The following ZNF804A variants were observed in gnomAD, a reference collection of about 807,000 sequenced individuals.
ZNF804A encodes the protein zinc finger protein 804A.
Under a neutral mutation model 16.5 loss-of-function variants are expected in ZNF804A, and 2 were observed. The observed-to-expected ratio is 0.12, with a 90% CI of 0.05 to 0.38. ZNF804A has a LOEUF of 0.38. ZNF804A is among the 10% of genes least tolerant of loss of function. The pLI is 0.99. For synonymous variants in ZNF804A, 534 were observed against 489.6 expected (o/e 1.09, Z -1.20); for missense variants, 1,473 against 1,390.7 (o/e 1.06, Z -0.94).
At chr2:184,827,395 T>G (rs1358626686) in intron 1 of ZNF804A, among the ~76,000 whole-genome samples, 1 of 147,918 alleles carries the variant, frequency 6.8e-6, no homozygotes, top group Non-Finnish European at 1.5e-5. Context: ...CTCATCCATT[T>G]AATTATTTAA....
intron 1 of ZNF804A, among the ~76,000 whole-genome samples, chr2:184,703,643 T>C (rs1281399090): frequency 7.3e-6 from 1 of 136,436 alleles, no homozygotes; most frequent in Non-Finnish European, 1.5e-5. Context: ...TGAGCCGAGA[T>C]TGCGCCACTG....
chr2:184,686,195 A>T (rs977260794), intron 1 of ZNF804A, among the ~76,000 whole-genome samples: 3 of 152,200 alleles, frequency 2.0e-5, no homozygotes, highest in Non-Finnish European at 4.4e-5. Flanking sequence ...GCCTGGGTCC[A>T]GAGCCAAAGT....
At chr2:184,913,150 G>C (rs1685389562) in intron 2 of ZNF804A, among the ~76,000 whole-genome samples, 1 of 152,020 alleles carries the variant, frequency 6.6e-6, no homozygotes, top group Non-Finnish European at 1.5e-5. Flanking sequence ...TGCAAACTTA[G>C]CTTAACTTGT....
At chr2:184,935,731 T>A in intron 3 of ZNF804A, 52 bp from the exon 4 acceptor site, 1 of 1,492,210 alleles carries the variant, frequency 6.7e-7, no homozygotes, top group Non-Finnish European at 8.9e-7. Flanking sequence ...TTTGACTATT[T>A]TTTTTTCTCA....
chr2:184,795,997 C>A (rs1694624780), intron 1 of ZNF804A, among the ~76,000 whole-genome samples: 1 of 151,828 alleles, frequency 6.6e-6, no homozygotes, highest in African/African-American at 2.4e-5. Context: ...GTTTTTAATT[C>A]TGTTTATGTG....
intron 2 of ZNF804A, among the ~76,000 whole-genome samples, chr2:184,918,211 C>T (rs963011298): frequency 6.6e-6 from 1 of 152,252 alleles, no homozygotes; most frequent in South Asian, 2.1e-4. Context: ...GTAACTCCCT[C>T]CTTTGCCTGT....
intron 1 of ZNF804A, among the ~76,000 whole-genome samples, chr2:184,709,198 T>A (rs985752546): frequency 1.3e-5 from 2 of 152,108 alleles, no homozygotes; most frequent in African/African-American, 4.8e-5. Context: ...CTCCACTTGG[T>A]CTGGAATTTG....
chr2:184,697,657 G>C (rs1304984821), intron 1 of ZNF804A, among the ~76,000 whole-genome samples: 1 of 152,002 alleles, frequency 6.6e-6, no homozygotes, highest in African/African-American at 2.4e-5. Context: ...TATCAAAATA[G>C]TTTAGTTGTC....
chr2:184,703,540 A>T lies in ZNF804A; in HGVS notation c.111+104470A>T, dbSNP rs541098888. On this transcript the variant is annotated intron_variant, in intron 1 of 3. Coordinates refer to ENST00000302277, the MANE Select transcript of ZNF804A (RefSeq NM_194250.2). ...CCCGTCTCTACTAAAACACAAAAAAATTAGCCGGGCGTGGTGGCGGGCGCC... is the reference window on the plus strand; with the variant it reads ...CCCGTCTCTACTAAAACACAAAAAATTTAGCCGGGCGTGGTGGCGGGCGCC... Among the ~76,000 whole-genome samples the T allele has an allele frequency of 7.4e-4, 112 of 152,016 alleles. 1 individual carries two copies. The highest frequency in any genetic ancestry group is 2.5e-3 in the African/African-American group (103 of 41,462).
At chr2:184,769,150 A>G (rs1694174465) in intron 1 of ZNF804A, among the ~76,000 whole-genome samples, 1 of 151,986 alleles carries the variant, frequency 6.6e-6, no homozygotes, top group South Asian at 2.1e-4. Flanking sequence ...GCTCCTTCTG[A>G]TTGCTAAGTG....
chr2:184,657,681 A>G (rs1692103292), intron 1 of ZNF804A, among the ~76,000 whole-genome samples: 1 of 152,218 alleles, frequency 6.6e-6, no homozygotes, highest in South Asian at 2.1e-4. Context: ...CTCTGGGTTT[A>G]GGAAAATTCT....
intron 2 of ZNF804A, among the ~76,000 whole-genome samples, chr2:184,872,958 A>C (rs1316520516): frequency 6.6e-6 from 1 of 152,212 alleles, no homozygotes; most frequent in Non-Finnish European, 1.5e-5. Flanking sequence ...GAAATTTATT[A>C]AGTGACAGGA....
chr2:184,829,745 T>C (rs1465981959), intron 1 of ZNF804A, among the ~76,000 whole-genome samples: 1 of 151,454 alleles, frequency 6.6e-6, no homozygotes, highest in Non-Finnish European at 1.5e-5. Flanking sequence ...GATTACATTT[T>C]TTTCCTATTT....
At chr2:184,794,923 C>T (rs1269466146) in intron 1 of ZNF804A, among the ~76,000 whole-genome samples, 1 of 151,868 alleles carries the variant, frequency 6.6e-6, no homozygotes, top group East Asian at 1.9e-4. Context: ...ATTTATAAAG[C>T]AATTGCTAAT....
chr2:184,729,727 T>C (rs1271574344), intron 1 of ZNF804A, among the ~76,000 whole-genome samples: 2 of 152,142 alleles, frequency 1.3e-5, no homozygotes, highest in Non-Finnish European at 2.9e-5. Flanking sequence ...ACTCTATGTA[T>C]TTATGTAGCA....
intron 2 of ZNF804A, among the ~76,000 whole-genome samples, chr2:184,871,573 G>T (rs958444504): frequency 1.5e-4 from 22 of 151,656 alleles, no homozygotes; most frequent in Non-Finnish European, 2.9e-4. Context: ...AATTACTTGG[G>T]TATTGGATTC....
At chr2:184,920,150 G>A (rs577411132) in intron 2 of ZNF804A, among the ~76,000 whole-genome samples, 9 of 152,096 alleles carry the variant, frequency 5.9e-5, no homozygotes, top group African/African-American at 1.9e-4. Context: ...AACCTGTAGT[G>A]CTGCAGCTAT....
chr2:184,683,204 A>G (rs996563570), intron 1 of ZNF804A, among the ~76,000 whole-genome samples: 3 of 152,194 alleles, frequency 2.0e-5, no homozygotes, highest in African/African-American at 7.2e-5. Context: ...ATTCAGTACA[A>G]TGAACAATTC....
rs1685855876 is a variant in ZNF804A at position 184,939,263 on chromosome 2, T to C, written c.*237T>C. On this transcript the variant is annotated 3_prime_UTR_variant, in exon 4 of 4. Coordinates refer to ENST00000302277, the MANE Select transcript of ZNF804A (RefSeq NM_194250.2). ...GAAAATCAATACAATATATGCTATA[T>C]ATTAAAATGATGTCTTAAGAGTATG... The C allele has an allele frequency of 4.6e-6, 2 of 431,282 alleles. No individual in the cohort carries two copies. Among genetic ancestry groups the C allele is most frequent in the East Asian group, 7.4e-5 (2 of 26,880 alleles). The allele number at this position is 431,282 out of a possible 1,614,324, so 26.7% of individuals were successfully genotyped here.
Sources: allele counts gnomAD v4.1 joint callset (sites outside exome capture counted in the v4.1 genomes callset), GRCh38; gene constraint gnomAD v4.1.1; transcripts MANE v1.5; gene names NCBI Gene and HGNC (gene_info 2026-07-23, HGNC 2026-07-21).